Variants in FHL1 observed in about 807,000 individuals in gnomAD.
FHL1 encodes the protein four and a half LIM domains 1, also known as four and a half LIM domains protein 1.
FHL1 carries 1 observed loss-of-function variant against 20.3 expected under a neutral mutation model. The observed-to-expected ratio is 0.05, with a 90% CI of 0.02 to 0.23. The LOEUF (loss-of-function observed/expected upper bound fraction) is 0.23. FHL1 is among the 10% of genes least tolerant of loss of function. FHL1 has a pLI of 1.00. For missense variants in FHL1, 177 were observed against 234.0 expected (o/e 0.76, Z 1.59); for synonymous variants, 82 against 88.9 (o/e 0.92, Z 0.44).
chrX:136,149,528 C>T (rs2072207429), intron 1 of FHL1, among the ~76,000 whole-genome samples: 1 of 112,043 alleles, frequency 8.9e-6, no homozygotes, highest in Non-Finnish European at 1.9e-5. Context: ...GTGCAAACCA[C>T]CTCACGATAA....
intron 2 of FHL1, among the ~76,000 whole-genome samples, chrX:136,183,523 T>C (rs955568118): frequency 7.1e-5 from 8 of 112,165 alleles, no homozygotes; most frequent in Non-Finnish European, 1.1e-4. Flanking sequence ...GTTTCCGTTA[T>C]AGCTCAAGTT....
intron 2 of FHL1, among the ~76,000 whole-genome samples, chrX:136,186,885 TAG>T (rs2073315811): frequency 1.9e-3 from 20 of 10,640 alleles, no homozygotes; most frequent in African/African-American, 2.7e-3. Flanking sequence ...TATATATAGA[TAG>T]ATAGATAGAT....
At chrX:136,149,318 T>G (rs904008394) in intron 1 of FHL1, among the ~76,000 whole-genome samples, 5 of 112,447 alleles carry the variant, frequency 4.4e-5, no homozygotes, top group Admixed American at 1.9e-4. Flanking sequence ...TACAAACTCA[T>G]GTTCATGTTT....
At chrX:136,203,339 A>G (rs898823943) in intron 1 of FHL1, among the ~76,000 whole-genome samples, 4 of 112,112 alleles carry the variant, frequency 3.6e-5, no homozygotes, top group Non-Finnish European at 5.6e-5. Context: ...TTAAGTATAG[A>G]GTGGTGGGGA....
At chrX:136,184,819 T>G (rs1569529285) in intron 2 of FHL1, among the ~76,000 whole-genome samples, 1 of 112,307 alleles carries the variant, frequency 8.9e-6, no homozygotes, top group Admixed American at 9.5e-5. Flanking sequence ...TATTATGTTA[T>G]GTTAAAGTTT....
rs1217509059 is a variant in FHL1 at position 136,211,097 on chromosome X, A to T, written c.*1072A>T. ...AGTCCCTTCTGTTGTGATTCCTAGG[A>T]CTTTTCCTCAAGAGGAAATCTGGAT... is the stretch of plus-strand genomic sequence containing the variant. On this transcript the variant is annotated 3_prime_UTR_variant, in exon 6 of 6. Coordinates refer to ENST00000370683, the MANE Select transcript of FHL1 (RefSeq NM_001159699.2). 3 of 375,978 alleles carry T rather than the reference A, an allele frequency of 8.0e-6. No individual in the cohort carries two copies. The highest frequency in any genetic ancestry group is 5.9e-5 in the Admixed American group (2 of 33,802). The allele number at this position is 375,978 out of a possible 1,213,427, so 31.0% of individuals were successfully genotyped here.
chrX:136,174,577 A>G (rs1253191648), intron 2 of FHL1, among the ~76,000 whole-genome samples: 1 of 111,858 alleles, frequency 8.9e-6, no homozygotes, highest in Non-Finnish European at 1.9e-5. Context: ...TGTTTAGAAC[A>G]TTCACTTTTC....
intron 3 of FHL1, 56 bp from the exon 4 acceptor site, chrX:136,207,736 G>T: frequency 8.5e-7 from 1 of 1,179,939 alleles, no homozygotes; most frequent in African/African-American, 1.8e-5. Context: ...GAGCTGAGTG[G>T]ATGCAGCCCC....
chrX:136,206,722 T>G lies in FHL1; in HGVS notation c.204+134T>G, dbSNP rs1603270637. 3.5e-6 allele frequency: 3 copies of G among 861,186 alleles called. No individual in the cohort carries two copies. The East Asian group carries it at 9.5e-5, about 27-fold the overall frequency. The allele number at this position is 861,186 out of a possible 1,213,427, so 71.0% of individuals were successfully genotyped here. ...GCCACCTTGAGGCCTCAAGGAAGCC[T>G]CCTCCACTCCCCAGGCCACAGTGGC... On this transcript the variant is annotated intron_variant, in intron 2 of 5. Transcript: ENST00000370683.
At chrX:136,180,802 C>CAT (rs1556634884) in intron 2 of FHL1, among the ~76,000 whole-genome samples, 56 of 109,707 alleles carry the variant, frequency 5.1e-4, no homozygotes, top group Non-Finnish European at 7.4e-4. Context: ...AGTGCAAAGG[C>CAT]GTGATCTCGG....
At chrX:136,183,221 A>G (rs1603258433) in intron 2 of FHL1, among the ~76,000 whole-genome samples, 1 of 111,863 alleles carries the variant, frequency 8.9e-6, no homozygotes, top group East Asian at 2.8e-4. Context: ...TCATGTCAGT[A>G]TAGAGCGTGA....
At chrX:136,177,539 T>C (rs2073038928) in intron 2 of FHL1, among the ~76,000 whole-genome samples, 1 of 112,321 alleles carries the variant, frequency 8.9e-6, no homozygotes, top group Non-Finnish European at 1.9e-5. Context: ...ATTTACTAAT[T>C]TGTTCATCTG....
At chrX:136,171,188 T>C (rs921601007) in intron 2 of FHL1, among the ~76,000 whole-genome samples, 1 of 111,414 alleles carries the variant, frequency 9.0e-6, no homozygotes, top group African/African-American at 3.3e-5. Flanking sequence ...AATCTTCATT[T>C]CTGGGTCTAA....
upstream of FHL1, among the ~76,000 whole-genome samples, chrX:136,169,110 T>C (rs887789610): frequency 2.5e-4 from 28 of 111,816 alleles, no homozygotes; most frequent in Admixed American, 1.1e-3. Flanking sequence ...TTCACACTTT[T>C]AGGATAATAC....
intron 1 of FHL1, among the ~76,000 whole-genome samples, chrX:136,201,574 G>A (rs2073710225): frequency 9.0e-6 from 1 of 111,436 alleles, no homozygotes; most frequent in African/African-American, 3.3e-5. Context: ...AGTTTCAGGT[G>A]TTTCTGTCTA....
intron 2 of FHL1, among the ~76,000 whole-genome samples, chrX:136,172,024 G>C (rs2072883888): frequency 9.1e-6 from 1 of 110,440 alleles, no homozygotes; most frequent in Non-Finnish European, 1.9e-5. Flanking sequence ...CAAATACCTG[G>C]GATTACAAGC....
At chrX:136,186,853 C>CAA (rs1158651934) in intron 2 of FHL1, among the ~76,000 whole-genome samples, 10 of 21,587 alleles carry the variant, frequency 4.6e-4, no homozygotes, top group Admixed American at 1.7e-3. Context: ...GACTCCATCT[C>CAA]AAAAAAAAAA....
At chrX:136,195,253 T>C (rs1336637663), upstream of FHL1, among the ~76,000 whole-genome samples, 1 of 112,501 alleles carries the variant, frequency 8.9e-6, no homozygotes, top group Non-Finnish European at 1.9e-5. Context: ...TAAAGGAAAG[T>C]ATTTGGCACA....
At chrX:136,151,998 T>C (rs889880255) in intron 1 of FHL1, among the ~76,000 whole-genome samples, 1 of 111,964 alleles carries the variant, frequency 8.9e-6, no homozygotes, top group African/African-American at 3.2e-5. Flanking sequence ...CCTTGCGGCA[T>C]GCATCATTCA....
Sources: allele counts gnomAD v4.1 joint callset (sites outside exome capture counted in the v4.1 genomes callset), GRCh38; gene constraint gnomAD v4.1.1; transcripts MANE v1.5; gene names NCBI Gene and HGNC (gene_info 2026-07-23, HGNC 2026-07-21).